Variants in PCLO observed in about 807,000 individuals in gnomAD.
PCLO encodes the protein protein piccolo.
A neutral mutation model predicts 427.5 loss-of-function variants in PCLO; 82 were observed. That is an observed-to-expected ratio of 0.19 (90% CI 0.16 to 0.23). The LOEUF is 0.23. Among genes scored for constraint, PCLO ranks in the 10% least tolerant of loss-of-function variants. The probability of loss-of-function intolerance (pLI) is 1.00; values close to 1 mark genes in which losing one functional copy is unlikely to be tolerated. For missense variants in PCLO, 6,239 were observed against 6,115.9 expected (o/e 1.02, Z -0.67); for synonymous variants, 2,357 against 2,155.4 (o/e 1.09, Z -2.59).
intron 10 of PCLO, among the ~76,000 whole-genome samples, chr7:82,865,950 C>T (rs1246423808): frequency 3.3e-5 from 5 of 152,038 alleles, no homozygotes; most frequent in African/African-American, 7.2e-5. Context: ...AGGTCAATTG[C>T]GTCTCATCTC....
In PCLO at chr7:82,952,484, T is replaced by C. The variant is rs2116433927; in HGVS notation, c.8469A>G (p.Pro2823=). The C allele has an allele frequency of 6.2e-7, 1 of 1,613,800 alleles. No homozygotes were observed. The highest frequency in any genetic ancestry group is 2.2e-5 in the East Asian group (1 of 44,864). ...CATGCTTTGATGTTGTAAGTTGGAG[T>C]GGTGTTGTCATTGCATGTTCTGCAC... ...LVGAEHAMTT[P]LQLTTSKHAE... Residue 2823 remains proline (P), a synonymous_variant, in exon 5 of 25, where the codon CCA becomes CCG. Transcript: ENST00000333891.
chr7:82,847,079 T>G (rs1360031353), intron 11 of PCLO, 60 bp downstream of exon 11: 2 of 846,374 alleles, frequency 2.4e-6, no homozygotes, highest in Non-Finnish European at 3.8e-6. Context: ...TTAACAATTT[T>G]AAATTAAAAG....
intron 22 of PCLO, among the ~76,000 whole-genome samples, chr7:82,792,077 GA>G (rs1311192119): frequency 3.3e-5 from 5 of 151,840 alleles, no homozygotes; most frequent in Admixed American, 3.3e-4. Flanking sequence ...TTTTAAAAGT[GA>G]AAAAAACTTT....
chr7:82,955,015 C>A lies in PCLO; in HGVS notation c.5938G>T (p.Glu1980Ter). ...CCTTTCTGCTGCATAAATCCATTTT[C>A]TTCTTCTTGCCTTGTTAGCAGACTG... ...DGSLLTRQEE[E>*]NGFMQQKGRE... Residue 1980 changes from glutamate (E) to a stop codon, truncating the protein, a stop_gained, in exon 5 of 25, where the codon GAA becomes TAA. Transcript: ENST00000333891. LOFTEE classifies it high-confidence loss of function. The A allele has an allele frequency of 6.2e-7, 1 of 1,613,746 alleles. No individual in the cohort carries two copies. The highest frequency in any genetic ancestry group is 8.5e-7 in the Non-Finnish European group (1 of 1,179,826).
At chr7:82,983,562 A>C (rs1432702531) in intron 3 of PCLO, among the ~76,000 whole-genome samples, 3 of 150,002 alleles carry the variant, frequency 2.0e-5, no homozygotes, top group Non-Finnish European at 4.4e-5. Context: ...AATATTACAG[A>C]TCTAGCTAAA....
At chr7:83,029,800 C>A (rs375871389) in intron 3 of PCLO, among the ~76,000 whole-genome samples, 4 of 135,798 alleles carry the variant, frequency 2.9e-5, no homozygotes, top group African/African-American at 1.1e-4. Flanking sequence ...GATGAGTTCA[C>A]GTCCTTTGTA....
Position 82,824,328 on chromosome 7 carries a change from C to G in PCLO, c.14504G>C (p.Gly4835Ala), listed in dbSNP as rs755250591. Residue 4835 changes from glycine to alanine, a missense_variant, in exon 19 of 25, where the codon GGC becomes GCC. Physicochemically the swap from Gly to Ala is moderately conservative, Grantham distance 60 (BLOSUM62 0). Coordinates refer to ENST00000333891, the MANE Select transcript of PCLO (RefSeq NM_033026.6). ...LKEQTESIDH[G>A]KSHSSQSSQQ... ...GCTGCTCTGACTGGAATGAGACTTG[C>G]CATGATCAATGCTTTCAGTCTGTTC... 6 of 1,613,158 alleles carry G rather than the reference C, an allele frequency of 3.7e-6. No homozygotes were observed. In the East Asian group the frequency reaches 1.3e-4, roughly 36 times the overall value.
intron 22 of PCLO, among the ~76,000 whole-genome samples, chr7:82,799,142 A>G (rs1355311408): frequency 2.6e-5 from 4 of 152,228 alleles, no homozygotes; most frequent in Non-Finnish European, 5.9e-5. Flanking sequence ...GGATTAAAGA[A>G]AGGTAAAATT....
intron 3 of PCLO, among the ~76,000 whole-genome samples, chr7:83,059,808 G>A (rs1748948572): frequency 6.6e-6 from 1 of 152,084 alleles, no homozygotes; most frequent in Non-Finnish European, 1.5e-5. Flanking sequence ...AAGTAGAAAA[G>A]AGCAGAATGG....
rs578099469 is a variant in PCLO, at chr7:82,754,771, G to C, written c.*3804C>G. On this transcript the variant is annotated 3_prime_UTR_variant, in exon 25 of 25. Transcript: ENST00000333891. The stretch of plus-strand genomic sequence containing the variant: ...CATTACTGTATTACACCCAAGGCAA[G>C]TAATTATTAAATAAATAGCTCATAA... 4.6e-5 allele frequency: 7 copies of C among 152,106 alleles called. No homozygotes were observed. Among genetic ancestry groups the C allele is most frequent in the Non-Finnish European group, 1.0e-4 (7 of 67,950 alleles). 9.4% of individuals were successfully genotyped at this position (152,106 alleles called of 1,614,324 possible).
chr7:83,110,077 C>A (rs1320418148), intron 3 of PCLO, among the ~76,000 whole-genome samples: 1 of 150,072 alleles, frequency 6.7e-6, no homozygotes, highest in Non-Finnish European at 1.5e-5. Context: ...GGAACCTGGC[C>A]CCCAAGCAGG....
chr7:82,933,474 T>A (rs1297357316), intron 6 of PCLO, among the ~76,000 whole-genome samples: 1 of 152,014 alleles, frequency 6.6e-6, no homozygotes, highest in Admixed American at 6.6e-5. Context: ...TAGGTCTTCC[T>A]ATTTCCTGAA....
chr7:83,045,999 T>G (rs1453134459), intron 3 of PCLO, among the ~76,000 whole-genome samples: 1 of 152,076 alleles, frequency 6.6e-6, no homozygotes, highest in African/African-American at 2.4e-5. Flanking sequence ...CAGGTTTGAT[T>G]TTATCTGAGG....
intron 2 of PCLO, among the ~76,000 whole-genome samples, chr7:83,142,617 C>T (rs971224842): frequency 9.2e-5 from 14 of 151,892 alleles, no homozygotes; most frequent in Admixed American, 6.6e-4. Flanking sequence ...TAGTGATTTA[C>T]AGTATTTTCC....
chr7:82,879,536 A>G, intron 9 of PCLO, 74 bp from the exon 10 acceptor site: 2 of 1,176,090 alleles, frequency 1.7e-6, no homozygotes, highest in Middle Eastern at 4.0e-4. Flanking sequence ...TACAGAGAGC[A>G]CAAAAAGTAG....
chr7:83,131,530 T>C (rs113806358), intron 3 of PCLO, among the ~76,000 whole-genome samples: 3,604 of 151,998 alleles, frequency 0.024, 171 homozygotes, highest in African/African-American at 0.083. Context: ...GCAGGAAAAA[T>C]GTCCTGTCTC....
chr7:83,024,742 T>C lies in PCLO; in HGVS notation c.3301-58255A>G, dbSNP rs554756622. Among the ~76,000 whole-genome samples the C allele has an allele frequency of 6.0e-4, 91 of 152,084 alleles. 1 individual carries two copies. Among genetic ancestry groups the C allele is most frequent in the South Asian group, 4.6e-3 (22 of 4,812 alleles). On this transcript the variant is annotated intron_variant, in intron 3 of 24. Coordinates refer to ENST00000333891, the MANE Select transcript of PCLO (RefSeq NM_033026.6). ...TTGAAGAGAGCAGTGGTTCTCCCAG[T>C]ACGCAGCTGGAGATCTGAGAACGGG...
chr7:82,804,447 T>C (rs770793467), intron 21 of PCLO, among the ~76,000 whole-genome samples: 1 of 152,184 alleles, frequency 6.6e-6, no homozygotes, highest in African/African-American at 2.4e-5. Context: ...TATCAAAATA[T>C]TATAATTGTT....
At chr7:83,012,485 C>T (rs546387147) in intron 3 of PCLO, among the ~76,000 whole-genome samples, 3 of 151,846 alleles carry the variant, frequency 2.0e-5, no homozygotes, top group African/African-American at 4.8e-5. Flanking sequence ...GGAGTGGTGG[C>T]GGGCACCTGT....
Sources: gnomAD v4.1 joint callset for allele counts (sites outside exome capture counted in the v4.1 genomes callset) on GRCh38, gnomAD v4.1.1 for gene constraint, MANE v1.5 for transcripts, NCBI Gene and HGNC (gene_info 2026-07-23, HGNC 2026-07-21) for gene names.